The following ATP2B2 variants were observed in gnomAD, a reference collection of about 807,000 sequenced individuals.
ATP2B2 encodes the protein plasma membrane calcium-transporting ATPase 2.
ATP2B2 carries 15 observed loss-of-function variants against 120.0 expected under a neutral mutation model. That is an observed-to-expected ratio of 0.12 (90% confidence interval 0.08 to 0.19). The LOEUF (loss-of-function observed/expected upper bound fraction) is 0.19. Among genes scored for constraint, ATP2B2 ranks in the 10% least tolerant of loss-of-function variants. ATP2B2 has a pLI of 1.00. For synonymous variants in ATP2B2, 694 were observed against 700.3 expected, an observed-to-expected ratio of 0.99 and a Z score of 0.14; for missense variants, 1,045 against 1,719.8, an observed-to-expected ratio of 0.61 and a Z score of 6.94.
At chr3:10,337,996 T>A (rs762203291) in intron 22 of ATP2B2, among the ~76,000 whole-genome samples, 180 bp downstream of exon 22, 5 of 152,126 alleles carry the variant, frequency 3.3e-5, no homozygotes, top group African/African-American at 4.8e-5. Context: ...GGCCGTGCTG[T>A]TCCTTAGCAG....
chr3:10,665,319 C>T (rs1270592310), intron 1 of ATP2B2, among the ~76,000 whole-genome samples: 2 of 152,184 alleles, frequency 1.3e-5, no homozygotes, highest in African/African-American at 2.4e-5. Flanking sequence ...CTCAGCCTAG[C>T]TAACTCCTCT....
chr3:10,440,130 A>C (rs1192092608), intron 2 of ATP2B2, among the ~76,000 whole-genome samples: 1 of 135,876 alleles, frequency 7.4e-6, no homozygotes, highest in African/African-American at 2.8e-5. Flanking sequence ...AAAAAAAAAA[A>C]GGAGTGTCTC....
chr3:10,333,081 C>CTGCGGG (rs902483670), intron 22 of ATP2B2, among the ~76,000 whole-genome samples: 1 of 152,116 alleles, frequency 6.6e-6, no homozygotes, highest in African/African-American at 2.4e-5. Flanking sequence ...GCGGTGGTGC[C>CTGCGGG]GTGGGGAGGG....
rs1559436454 is a variant in ATP2B2 at position 10,520,342 on chromosome 3, T to C, written c.-320+13697A>G. Among the ~76,000 whole-genome samples, 3 of 152,214 alleles carry C rather than the reference T, an allele frequency of 2.0e-5. No individual in the cohort carries two copies. In the East Asian group the frequency reaches 5.8e-4, roughly 29 times the overall value. On this transcript the variant is annotated intron_variant, in intron 3 of 21. Transcript: ENST00000646379. ...GGTGCCGGTTTTAAGATCAGACTCCTGCCCTTGCGAGGTAATAGTGGAGGC... is the reference window on the plus strand; with the variant it reads ...GGTGCCGGTTTTAAGATCAGACTCCCGCCCTTGCGAGGTAATAGTGGAGGC...
intron 2 of ATP2B2, among the ~76,000 whole-genome samples, chr3:10,553,409 G>A (rs1009726948): frequency 2.6e-5 from 4 of 152,156 alleles, no homozygotes; most frequent in Admixed American, 1.3e-4. Flanking sequence ...GAAAGAGGGT[G>A]GAGGGGAAGA....
At chr3:10,433,935 AAT>A (rs1181118337) in intron 2 of ATP2B2, among the ~76,000 whole-genome samples, 1 of 152,036 alleles carries the variant, frequency 6.6e-6, no homozygotes, top group African/African-American at 2.4e-5. Flanking sequence ...TGTGAAGAAG[AAT>A]ATCTTTGTTG....
At chr3:10,660,644 T>C (rs2070755778) in intron 1 of ATP2B2, among the ~76,000 whole-genome samples, 2 of 152,200 alleles carry the variant, frequency 1.3e-5, no homozygotes, top group African/African-American at 4.8e-5. Context: ...ACCAGACGGA[T>C]TCACAGCCGA....
intron 1 of ATP2B2, among the ~76,000 whole-genome samples, chr3:10,690,523 TTA>T: frequency 6.6e-6 from 1 of 152,160 alleles, no homozygotes; most frequent in Non-Finnish European, 1.5e-5. Context: ...TCTCTCCATT[TTA>T]CAGATGAGGA....
chr3:10,704,031 T>C (rs1011452786), intron 1 of ATP2B2, among the ~76,000 whole-genome samples: 2 of 152,088 alleles, frequency 1.3e-5, no homozygotes, highest in African/African-American at 4.8e-5. Context: ...GAGGCCACAG[T>C]AAAGGCTCTT....
At chr3:10,466,487 C>A (rs2064747981) in intron 1 of ATP2B2, among the ~76,000 whole-genome samples, 1 of 152,018 alleles carries the variant, frequency 6.6e-6, no homozygotes. Flanking sequence ...AGCAATTAGG[C>A]CGAACAGTTT....
At position 10,639,247 on chromosome 3, in the gene ATP2B2, G is replaced by A. The variant is rs138782319; in HGVS notation, c.-459-19286C>T. On this transcript the variant is annotated intron_variant, in intron 1 of 21. Coordinates refer to the ATP2B2 transcript ENST00000646379. ...AGCCCAGCAGAATTCACTCCAGATG[G>A]CTCCAATGAGGGACTTTAATGCAGG... 1.6e-4 allele frequency among the ~76,000 whole-genome samples: 24 copies of A among 152,286 alleles called. No homozygotes were observed. In the East Asian group the frequency reaches 3.5e-3, roughly 22 times the overall value.
intron 1 of ATP2B2, among the ~76,000 whole-genome samples, chr3:10,665,585 T>C (rs1167655166): frequency 6.6e-6 from 1 of 152,206 alleles, no homozygotes; most frequent in East Asian, 1.9e-4. Context: ...TGGCACCTAC[T>C]AGGACTCTAT....
intron 3 of ATP2B2, among the ~76,000 whole-genome samples, chr3:10,512,761 C>T (rs1267194988): frequency 6.6e-6 from 1 of 152,186 alleles, no homozygotes; most frequent in African/African-American, 2.4e-5. Context: ...TCCAGCCCCA[C>T]CCTCTGGGAC....
At chr3:10,392,428 G>T (rs755613538) in intron 5 of ATP2B2, among the ~76,000 whole-genome samples, 3 of 152,096 alleles carry the variant, frequency 2.0e-5, no homozygotes, top group African/African-American at 7.3e-5. Flanking sequence ...TCCCTAGACC[G>T]TTCCCCTTCA....
In ATP2B2 at chr3:10,385,255, G is replaced by A. The variant is rs759459961; in HGVS notation, c.1000+13C>T. 1.4e-5 allele frequency: 23 copies of A among 1,613,098 alleles called. No homozygotes were observed. The highest frequency in any genetic ancestry group is 2.2e-5 in the East Asian group (1 of 44,862). ...ATCCAACCATGACCAGGAGCTCGCC[G>A]TGGGAGACATACCATTGACTAGGCT... On this transcript the variant is annotated intron_variant, in intron 8 of 22. Transcript: ENST00000360273.
intron 2 of ATP2B2, among the ~76,000 whole-genome samples, chr3:10,534,853 G>T (rs1156455513): frequency 6.7e-6 from 1 of 150,034 alleles, no homozygotes; most frequent in Non-Finnish European, 1.5e-5. Context: ...CTCCCTATCA[G>T]CTTCCTTCTC....
chr3:10,396,416 T>C (rs1395897230), intron 5 of ATP2B2, among the ~76,000 whole-genome samples: 5 of 152,258 alleles, frequency 3.3e-5, no homozygotes, highest in African/African-American at 7.2e-5. Flanking sequence ...GAGTGTTTCC[T>C]GCCCTCTTCT....
Position 10,355,943 on chromosome 3 carries a change from C to T in ATP2B2, c.2136+2748G>A, listed in dbSNP as rs1259144944. On this transcript the variant is annotated intron_variant, in intron 14 of 22. Transcript: ENST00000360273. ...ACAAAAAATTAGCCGGGCGTGGTAG[C>T]GGGCGCCTGTAGTCCCAGCTACTCG... 2.0e-4 allele frequency among the ~76,000 whole-genome samples: 15 copies of T among 76,370 alleles called. 5 individuals are homozygous for T. Among genetic ancestry groups the T allele is most frequent in the East Asian group, 0.048 (2 of 42 alleles). The allele number at this position is 76,370 out of a possible 152,430, so 50.1% of individuals were successfully genotyped here.
intron 2 of ATP2B2, among the ~76,000 whole-genome samples, chr3:10,600,974 C>G (rs1269397890): frequency 2.0e-5 from 3 of 152,126 alleles, no homozygotes; most frequent in Non-Finnish European, 2.9e-5. Context: ...ACTCACCACC[C>G]AGCAACACCC....
Sources: gnomAD v4.1 joint callset for allele counts (sites outside exome capture counted in the v4.1 genomes callset) on GRCh38, gnomAD v4.1.1 for gene constraint, MANE v1.5 for transcripts, NCBI Gene and HGNC (gene_info 2026-07-23, HGNC 2026-07-21) for gene names.